PCDH15: variants seen among roughly 807,000 people sequenced by gnomAD.
PCDH15 encodes the protein protocadherin-15.
In PCDH15, 129 loss-of-function variants were observed where a neutral mutation model predicts 178.5. That is an observed-to-expected ratio of 0.72 (90% CI 0.63 to 0.84). The LOEUF is 0.84. PCDH15 is among the 40% of genes least tolerant of loss of function. The probability of loss-of-function intolerance (pLI) is 0.00; values close to 1 mark genes in which losing one functional copy is unlikely to be tolerated. For synonymous variants in PCDH15, 800 were observed against 732.0 expected (o/e 1.09, Z -1.50); for missense variants, 2,230 against 2,099.9 (o/e 1.06, Z -1.21).
intron 2 of PCDH15, among the ~76,000 whole-genome samples, chr10:54,929,713 GT>G (rs1837721109): frequency 6.6e-6 from 1 of 152,140 alleles, no homozygotes; most frequent in African/African-American, 2.4e-5. Context: ...GTCTGAGTGT[GT>G]GGCTTTTCTG....
chr10:54,095,832 G>T (rs1490799169), intron 15 of PCDH15, among the ~76,000 whole-genome samples: 1 of 152,080 alleles, frequency 6.6e-6, no homozygotes, highest in Non-Finnish European at 1.5e-5. Flanking sequence ...TGTACAAAAT[G>T]GGTAACCTTG....
chr10:55,381,317 A>G (rs901659544), intron 2 of PCDH15, among the ~76,000 whole-genome samples: 1 of 152,330 alleles, frequency 6.6e-6, no homozygotes, highest in Admixed American at 6.5e-5. Context: ...GAGCCAGTAC[A>G]TAGCAGACAA....
chr10:54,485,081 T>C (rs2079004257), intron 3 of PCDH15, among the ~76,000 whole-genome samples: 1 of 151,800 alleles, frequency 6.6e-6, no homozygotes, highest in African/African-American at 2.4e-5. Context: ...TAGGCAGGGA[T>C]TGTGAAATTC....
At chr10:53,812,332 C>T (rs568043505) in intron 35 of PCDH15, among the ~76,000 whole-genome samples, 72 of 151,928 alleles carry the variant, frequency 4.7e-4, no homozygotes, top group Admixed American at 1.2e-3. Context: ...CTCAGCCTCC[C>T]GAGTAGCTGG....
chr10:55,405,140 T>C (rs1437771876), intron 2 of PCDH15, among the ~76,000 whole-genome samples: 1 of 151,490 alleles, frequency 6.6e-6, no homozygotes, highest in East Asian at 1.9e-4. Context: ...AAATGATGTT[T>C]TGGAAGTACC....
chr10:54,115,746 A>C (rs887465588), intron 15 of PCDH15, among the ~76,000 whole-genome samples: 1 of 151,852 alleles, frequency 6.6e-6, no homozygotes, highest in African/African-American at 2.4e-5. Context: ...TACCCCAAAC[A>C]CTCCCTAATA....
chr10:55,597,872 G>T (rs61569268), intron 2 of PCDH15, among the ~76,000 whole-genome samples: 2 of 151,706 alleles, frequency 1.3e-5, no homozygotes, highest in South Asian at 4.1e-4. Context: ...AGATGGGTCC[G>T]CAAAACCCCA....
chr10:54,535,410 A>G (rs929192468), intron 2 of PCDH15, among the ~76,000 whole-genome samples: 3 of 152,110 alleles, frequency 2.0e-5, no homozygotes, highest in East Asian at 1.9e-4. Context: ...AGAAGCCCAT[A>G]CTTAGTCTTA....
intron 17 of PCDH15, among the ~76,000 whole-genome samples, chr10:54,079,080 T>C (rs2094392960): frequency 6.6e-6 from 1 of 152,188 alleles, no homozygotes; most frequent in Admixed American, 6.5e-5. Flanking sequence ...GATTTCATTT[T>C]CCCTACAAGT....
chr10:54,660,017 T>A (rs2384518), intron 2 of PCDH15, among the ~76,000 whole-genome samples: 15,160 of 151,908 alleles, frequency 0.1, 2,206 homozygotes, highest in African/African-American at 0.32. Flanking sequence ...ATATCATACA[T>A]CAAGGAACTA....
intron 13 of PCDH15, among the ~76,000 whole-genome samples, chr10:54,178,491 G>T (rs2133736874): frequency 6.6e-6 from 1 of 152,158 alleles, no homozygotes; most frequent in East Asian, 1.9e-4. Flanking sequence ...ACTGGAGAGA[G>T]ATTATTGCAT....
chr10:55,052,278 G>C (rs1178116966), intron 2 of PCDH15, among the ~76,000 whole-genome samples: 10 of 151,408 alleles, frequency 6.6e-5, no homozygotes, highest in African/African-American at 2.4e-4. Flanking sequence ...TTTTAGTAGA[G>C]ACGGGATTTC....
intron 1 of PCDH15, among the ~76,000 whole-genome samples, chr10:54,701,390 C>T (rs2095307367): frequency 6.6e-6 from 1 of 152,074 alleles, no homozygotes; most frequent in African/African-American, 2.4e-5. Context: ...AAAGCAACTA[C>T]ACAATCAAGT....
At chr10:55,458,117 T>A (rs915436512) in intron 2 of PCDH15, among the ~76,000 whole-genome samples, 3 of 152,038 alleles carry the variant, frequency 2.0e-5, no homozygotes, top group South Asian at 4.1e-4. Context: ...AATAATGGAA[T>A]CTTCCACATG....
At chr10:55,082,568 G>A (rs888873253) in intron 2 of PCDH15, among the ~76,000 whole-genome samples, 2 of 132,826 alleles carry the variant, frequency 1.5e-5, no homozygotes, top group Non-Finnish European at 3.1e-5. Flanking sequence ...AGCAGAAATA[G>A]GTGAAATTGA....
intron 1 of PCDH15, among the ~76,000 whole-genome samples, chr10:54,767,581 A>G (rs1948658631): frequency 6.6e-6 from 1 of 152,148 alleles, no homozygotes; most frequent in South Asian, 2.1e-4. Flanking sequence ...GAGAAATCCG[A>G]CAAGTCCTAT....
chr10:55,080,734 T>C lies in PCDH15; in HGVS notation c.-80+85842A>G, dbSNP rs557428825. Among the ~76,000 whole-genome samples the C allele has an allele frequency of 1.4e-4, 21 of 152,192 alleles. No individual in the cohort carries two copies. The East Asian group carries it at 4.1e-3, about 30-fold the overall frequency. ...CCTCCAGCTCACCCACCCCAGTCCC[T>C]GGCAGCATCAACAGCATTATGGCTA... is the stretch of plus-strand genomic sequence containing the variant. On this transcript the variant is annotated intron_variant, in intron 2 of 5. Coordinates refer to the PCDH15 transcript ENST00000458638.
At chr10:55,157,388 A>T (rs9732554) in intron 2 of PCDH15, among the ~76,000 whole-genome samples, 54,959 of 143,852 alleles carry the variant, frequency 0.38, 10,710 homozygotes, top group African/African-American at 0.51. Context: ...ATTGTGGAAG[A>T]CAGTGTGGCG....
chr10:55,103,025 G>A (rs1842606593), intron 2 of PCDH15, among the ~76,000 whole-genome samples: 1 of 152,030 alleles, frequency 6.6e-6, no homozygotes, highest in African/African-American at 2.4e-5. Flanking sequence ...AGGCAGAAGA[G>A]GTGGAGGATG....
Sources: gnomAD v4.1 joint callset for allele counts (sites outside exome capture counted in the v4.1 genomes callset) on GRCh38, gnomAD v4.1.1 for gene constraint, MANE v1.5 for transcripts, NCBI Gene and HGNC (gene_info 2026-07-23, HGNC 2026-07-21) for gene names.